The following MAN2A1 variants were observed in gnomAD, a reference collection of about 807,000 sequenced individuals.
The protein encoded by MAN2A1 is alpha-mannosidase 2.
MAN2A1 carries 76 observed loss-of-function variants against 142.6 expected under a neutral mutation model. That is an observed-to-expected ratio of 0.53 (90% CI 0.44 to 0.65). The LOEUF (loss-of-function observed/expected upper bound fraction) is 0.65, where lower values mean the gene tolerates loss of function less well. Ranked by LOEUF, MAN2A1 falls within the 30% of genes least tolerant of loss-of-function variation. The pLI, the probability that MAN2A1 is intolerant of heterozygous loss-of-function variation, is 0.00. For missense variants in MAN2A1, 1,311 were observed against 1,365.1 expected, an observed-to-expected ratio of 0.96 and a Z score of 0.62; for synonymous variants, 559 against 473.2, an observed-to-expected ratio of 1.18 and a Z score of -2.35.
rs1441410408 is a variant in MAN2A1 at position 109,690,047 on chromosome 5, TCAG to T, written c.-370_-368del. 9.1e-6 allele frequency: 2 copies of T among 219,126 alleles called. No homozygotes were observed. Among genetic ancestry groups the T allele is most frequent in the African/African-American group, 4.7e-5 (2 of 42,230 alleles). 13.6% of individuals were successfully genotyped at this position (219,126 alleles called of 1,614,324 possible). On this transcript the variant is annotated 5_prime_UTR_variant, in exon 1 of 22. Coordinates refer to ENST00000261483, the MANE Select transcript of MAN2A1 (RefSeq NM_002372.4). ...CGTCGAGAAAACTTTTCCTGCCGAC[TCAG>T]TTGGGGCGGCGGTGGCAGGAAGTGC...
intron 20 of MAN2A1, chr5:109,863,914 C>T (rs75009266): frequency 6.6e-6 from 1 of 152,174 alleles, no homozygotes; most frequent in Non-Finnish European, 1.5e-5. Flanking sequence ...TAGCAGTACC[C>T]CTACAAAATA....
rs1301433097 is a variant in MAN2A1 at position 109,731,516 on chromosome 5, C to T, written c.707+2003C>T. 4.4e-4 allele frequency among the ~76,000 whole-genome samples: 45 copies of T among 102,648 alleles called. 1 individual carries two copies. The South Asian group carries it at 9.6e-3, about 22-fold the overall frequency. The allele number at this position is 102,648 out of a possible 152,430, so 67.3% of individuals were successfully genotyped here. On this transcript the variant is annotated intron_variant, in intron 4 of 21. Coordinates refer to ENST00000261483, the MANE Select transcript of MAN2A1 (RefSeq NM_002372.4). Reference sequence around the variant, plus strand: ...CCTAATGCTATCCCTCCCCCCTCCCCCAACCCCACAACAGTCCCCAGAGTG... The same window carrying T: ...CCTAATGCTATCCCTCCCCCCTCCCTCAACCCCACAACAGTCCCCAGAGTG...
At position 109,695,162 on chromosome 5, in the gene MAN2A1, A is replaced by G. The variant is rs58430988; in HGVS notation, c.135+4610A>G. 2.8e-3 allele frequency among the ~76,000 whole-genome samples: 421 copies of G among 152,218 alleles called. 5 individuals are homozygous for G. Among genetic ancestry groups the G allele is most frequent in the African/African-American group, 9.2e-3 (382 of 41,550 alleles). On this transcript the variant is annotated intron_variant, in intron 1 of 21. Transcript: ENST00000261483. Reference sequence around the variant, plus strand: ...ACCCAAACTTATTTCCTGTAAACCAACTGGGCCAGATACTCATGACTGTCT... The same window carrying G: ...ACCCAAACTTATTTCCTGTAAACCAGCTGGGCCAGATACTCATGACTGTCT...
chr5:109,864,993 C>A, intron 20 of MAN2A1, 43 bp from the exon 21 acceptor site: 1 of 1,300,952 alleles, frequency 7.7e-7, no homozygotes, highest in Non-Finnish European at 1.1e-6. Context: ...TAAATATTTG[C>A]TTTATTGTCT....
At chr5:109,841,609 A>G (rs1162749254) in intron 16 of MAN2A1, among the ~76,000 whole-genome samples, 2 of 152,156 alleles carry the variant, frequency 1.3e-5, no homozygotes, top group Non-Finnish European at 2.9e-5. Context: ...GAAACTAGTA[A>G]ACACTTGAGG....
At chr5:109,788,681 A>G (rs1753660609) in intron 10 of MAN2A1, among the ~76,000 whole-genome samples, 1 of 151,810 alleles carries the variant, frequency 6.6e-6, no homozygotes, top group South Asian at 2.1e-4. Context: ...GAAAGTATAC[A>G]TAGTTTGATT....
chr5:109,835,028 T>G (rs1411743861), intron 16 of MAN2A1, among the ~76,000 whole-genome samples: 2 of 152,130 alleles, frequency 1.3e-5, no homozygotes, highest in Non-Finnish European at 2.9e-5. Flanking sequence ...CATTTAGATG[T>G]TGACTTACTC....
intron 12 of MAN2A1, among the ~76,000 whole-genome samples, chr5:109,801,173 G>A (rs1221794687): frequency 1.3e-5 from 2 of 152,130 alleles, no homozygotes; most frequent in Non-Finnish European, 1.5e-5. Flanking sequence ...CTCATGATGG[G>A]TTCCATGGTG....
At chr5:109,734,040 T>G (rs1192882551) in intron 4 of MAN2A1, among the ~76,000 whole-genome samples, 3 of 152,132 alleles carry the variant, frequency 2.0e-5, no homozygotes, top group African/African-American at 7.2e-5. Context: ...CAATTTCAGC[T>G]CCTGTTATTG....
chr5:109,852,164 A>G (rs1755499500), intron 19 of MAN2A1, among the ~76,000 whole-genome samples: 1 of 150,902 alleles, frequency 6.6e-6, no homozygotes, highest in African/African-American at 2.4e-5. Context: ...AAAACATTTT[A>G]ATACCATACA....
intron 3 of MAN2A1, among the ~76,000 whole-genome samples, chr5:109,718,975 C>CT (rs977640799): frequency 3.7e-5 from 2 of 53,426 alleles, no homozygotes; most frequent in African/African-American, 1.8e-4. Flanking sequence ...TATTTCTATT[C>CT]TTAAAAAAAA....
At chr5:109,696,302 T>C (rs2112537913) in intron 1 of MAN2A1, among the ~76,000 whole-genome samples, 1 of 152,270 alleles carries the variant, frequency 6.6e-6, no homozygotes, top group Admixed American at 6.5e-5. Flanking sequence ...GGTTTCACCA[T>C]GTTGGCCAGG....
At chr5:109,828,391 A>G (rs997620440) in intron 16 of MAN2A1, among the ~76,000 whole-genome samples, 2 of 152,222 alleles carry the variant, frequency 1.3e-5, no homozygotes, top group Non-Finnish European at 2.9e-5. Context: ...ATATAATACA[A>G]ACAGAAGCTC....
At chr5:109,776,914 A>G (rs529647152) in intron 8 of MAN2A1, among the ~76,000 whole-genome samples, 6 of 152,136 alleles carry the variant, frequency 3.9e-5, no homozygotes, top group Non-Finnish European at 7.4e-5. Flanking sequence ...TGTTGCAGGT[A>G]GCAGTAGTTC....
chr5:109,817,115 A>G (rs1015480496), intron 12 of MAN2A1, among the ~76,000 whole-genome samples, 158 bp from the exon 13 acceptor site: 5 of 152,138 alleles, frequency 3.3e-5, no homozygotes, highest in African/African-American at 1.2e-4. Flanking sequence ...GCAGTGAGCT[A>G]TAATCTCCCC....
At chr5:109,741,007 T>C (rs1752253576) in intron 4 of MAN2A1, among the ~76,000 whole-genome samples, 1 of 152,106 alleles carries the variant, frequency 6.6e-6, no homozygotes, top group South Asian at 2.1e-4. Flanking sequence ...CATGCATCAG[T>C]CCAATATTAC....
At chr5:109,831,582 G>C (rs1754908050) in intron 16 of MAN2A1, among the ~76,000 whole-genome samples, 1 of 152,104 alleles carries the variant, frequency 6.6e-6, no homozygotes, top group Non-Finnish European at 1.5e-5. Flanking sequence ...ATTGTACATG[G>C]TGACTTTTAA....
intron 12 of MAN2A1, among the ~76,000 whole-genome samples, chr5:109,797,904 T>C (rs550206307): frequency 6.6e-6 from 1 of 152,328 alleles, no homozygotes; most frequent in South Asian, 2.1e-4. Flanking sequence ...ATCTTTCATA[T>C]GTGAAGGTAG....
chr5:109,848,876 T>A (rs1163216594), intron 19 of MAN2A1, among the ~76,000 whole-genome samples: 1 of 152,216 alleles, frequency 6.6e-6, no homozygotes, highest in South Asian at 2.1e-4. Context: ...AGTCAGAGTT[T>A]ATGAGATGAG....
Sources: allele counts gnomAD v4.1 joint callset (sites outside exome capture counted in the v4.1 genomes callset), GRCh38; gene constraint gnomAD v4.1.1; transcripts MANE v1.5; gene names NCBI Gene and HGNC (gene_info 2026-07-23, HGNC 2026-07-21).